LMAN2: variants seen among roughly 807,000 people sequenced by gnomAD.
LMAN2 encodes the protein vesicular integral-membrane protein VIP36.
In LMAN2, 22 loss-of-function variants were observed where a neutral mutation model predicts 39.3. The ratio of observed to expected loss-of-function variants is 0.56; its 90% CI spans 0.40 to 0.80. The LOEUF is 0.80. Among genes scored for constraint, LMAN2 ranks in the 30% least tolerant of loss-of-function variants. The pLI, the probability that LMAN2 is intolerant of heterozygous loss-of-function variation, is 0.00. For synonymous variants in LMAN2, 207 were observed against 207.8 expected (o/e 1.00, Z 0.03); for missense variants, 494 against 505.4 (o/e 0.98, Z 0.22).
intron 6 of LMAN2, among the ~76,000 whole-genome samples, chr5:177,335,470 C>T (rs748916886): frequency 2.6e-5 from 4 of 152,230 alleles, no homozygotes; most frequent in Non-Finnish European, 5.9e-5. Flanking sequence ...ATGGTGCCTC[C>T]TCCACTCTGT....
chr5:177,334,180 AACC>A (rs907865287), intron 7 of LMAN2, 101 bp downstream of exon 7: 1 of 1,492,510 alleles, frequency 6.7e-7, no homozygotes, highest in African/African-American at 1.4e-5. Context: ...CCCAGACCAC[AACC>A]ACCACAACCA....
In LMAN2 at chr5:177,332,289, C is replaced by G. The variant is rs375419472; in HGVS notation, c.911-43G>C. The G allele has an allele frequency of 1.3e-6, 2 of 1,590,432 alleles. No homozygotes were observed. Among genetic ancestry groups the G allele is most frequent in the African/African-American group, 2.7e-5 (2 of 74,728 alleles). On this transcript the variant is annotated intron_variant, in intron 7 of 7. Coordinates refer to ENST00000303127, the MANE Select transcript of LMAN2 (RefSeq NM_006816.3). This position sits in a 1 kb window ranked among gnomAD's most constrained non-coding sequence, Gnocchi z 6.3. ...GGGGAGCTGAAACGGCAGCACGGGC[C>G]GGGGATCAGGGGGCTGCAGGAGGGC...
chr5:177,338,739 G>A, intron 2 of LMAN2, 134 bp from the exon 3 acceptor site: 1 of 727,940 alleles, frequency 1.4e-6, no homozygotes, highest in East Asian at 2.5e-5. Flanking sequence ...CTTGGCACAG[G>A]GCCACAAGTG....
chr5:177,336,777 C>T (rs1761479114), intron 6 of LMAN2: 1 of 379,062 alleles, frequency 2.6e-6, no homozygotes, highest in South Asian at 2.4e-5. Context: ...TCTAACTGAC[C>T]CGCTGCCTCC....
At chr5:177,339,844 A>T (rs1233848612) in intron 2 of LMAN2, among the ~76,000 whole-genome samples, 1 of 152,218 alleles carries the variant, frequency 6.6e-6, no homozygotes, top group Non-Finnish European at 1.5e-5. Flanking sequence ...AATAAAAAAC[A>T]CTGTACCCCA....
rs749261300 is a variant in LMAN2, at chr5:177,351,575, G to A, written c.73C>T (p.Pro25Ser). 2 of 1,613,848 alleles carry A rather than the reference G, an allele frequency of 1.2e-6. No homozygotes were observed. Among genetic ancestry groups the A allele is most frequent in the South Asian group, 1.1e-5 (1 of 91,050 alleles). The change falls in exon 1 of 8, where the codon CCC (proline) becomes TCC (serine). Residue 25 changes from proline (P) to serine (S), a missense_variant. Transcript: ENST00000303127. ...AGAGGTGTAGTGGGGCCAGGGCCGG[G>A]GCCGAGAAGCCCAGGCCTTCCCAGG... ...RCLGRPGLLG[P>S]GPGPTTPLFL...
chr5:177,351,271 G>A lies in LMAN2; in HGVS notation c.217C>T (p.Pro73Ser). ...GTGCTGCCCTGGAAGTCCCAGAGGG[G>A]CATAGAGCTGGAACCGACCCCTGTG... ...PYQGVGSSSM[P>S]LWDFQGSTML... is the part of the protein sequence containing the mutation. The change falls in exon 2 of 8, where the codon CCC becomes TCC. Residue 73 changes from proline (P) to serine (S), a missense_variant. Coordinates refer to ENST00000303127, the MANE Select transcript of LMAN2 (RefSeq NM_006816.3). 1.2e-6 allele frequency: 2 copies of A among 1,614,068 alleles called. No homozygotes were observed. Among genetic ancestry groups the A allele is most frequent in the East Asian group, 2.2e-5 (1 of 44,884 alleles).
chr5:177,337,903 C>T lies in LMAN2; in HGVS notation c.434-118G>A. 2.5e-6 allele frequency: 2 copies of T among 797,434 alleles called. No homozygotes were observed. Among genetic ancestry groups the T allele is most frequent in the Non-Finnish European group, 4.2e-6 (2 of 477,066 alleles). 49.4% of individuals were successfully genotyped at this position (797,434 alleles called of 1,614,324 possible). On this transcript the variant is annotated intron_variant, in intron 3 of 7. Transcript: ENST00000303127. This position sits in a 1 kb window ranked among gnomAD's most constrained non-coding sequence, Gnocchi z 8.2. ...AAGAGAGCCCAACCCACTGGCCATTCACCGAGAGAGAAGGGATCGTGAAAG... is the reference window on the plus strand; with the variant it reads ...AAGAGAGCCCAACCCACTGGCCATTTACCGAGAGAGAAGGGATCGTGAAAG...
intron 2 of LMAN2, among the ~76,000 whole-genome samples, chr5:177,342,101 T>G (rs1761563550): frequency 6.6e-6 from 1 of 152,108 alleles, no homozygotes; most frequent in African/African-American, 2.4e-5. Flanking sequence ...TAAATGTAAA[T>G]GGACTAAATG....
At chr5:177,350,197 G>T (rs1480366185) in intron 2 of LMAN2, among the ~76,000 whole-genome samples, 4 of 152,162 alleles carry the variant, frequency 2.6e-5, no homozygotes, top group Non-Finnish European at 5.9e-5. Flanking sequence ...GGCAACACAA[G>T]GACAGTGTGG....
At chr5:177,345,736 C>CATTT (rs752212044) in intron 2 of LMAN2, among the ~76,000 whole-genome samples, 27,339 of 135,348 alleles carry the variant, frequency 0.2, 3,143 homozygotes, top group East Asian at 0.48. Context: ...CCATGGCATG[C>CATTT]ATTTATTTAT....
Position 177,337,161 on chromosome 5 carries a change from G to C in LMAN2, c.765C>G (p.Ala255=). The change falls in exon 6 of 8, where the codon GCC becomes GCG. Residue 255 remains alanine (A), a synonymous_variant. Transcript: ENST00000303127. This position sits in a 1 kb window ranked among gnomAD's most constrained non-coding sequence, Gnocchi z 8.2. The part of the protein sequence containing the change: ...VRLPTGYYFG[A]SAGTGDLSDN... ...CAGACAGGTCGCCGGTGCCGGCGGA[G>C]GCCCCGAAGTAGTAGCCGGTGGGCA... The C allele has an allele frequency of 6.2e-7, 1 of 1,613,696 alleles. No individual in the cohort carries two copies. Among genetic ancestry groups the C allele is most frequent in the Non-Finnish European group, 8.5e-7 (1 of 1,179,916 alleles).
intron 2 of LMAN2, among the ~76,000 whole-genome samples, chr5:177,345,001 G>A (rs1198828340): frequency 1.3e-5 from 2 of 151,954 alleles, no homozygotes; most frequent in South Asian, 2.1e-4. Context: ...AGATGTGTAC[G>A]TACAACAGTG....
At position 177,337,868 on chromosome 5, in the gene LMAN2, G is replaced by C. The variant is rs891243961; in HGVS notation, c.434-83C>G. On this transcript the variant is annotated intron_variant, in intron 3 of 7. Coordinates refer to ENST00000303127, the MANE Select transcript of LMAN2 (RefSeq NM_006816.3). This position sits in a 1 kb window ranked among gnomAD's most constrained non-coding sequence, Gnocchi z 8.2. The stretch of plus-strand genomic sequence containing the variant: ...CCTAAAAGGCAAGCAATGCCAACAT[G>C]GGTGGGGGCAAGAGAGCCCAACCCA... 2 of 1,256,638 alleles carry C rather than the reference G, an allele frequency of 1.6e-6. No homozygotes were observed. The highest frequency in any genetic ancestry group is 2.9e-5 in the African/African-American group (2 of 67,810). 77.8% of individuals were successfully genotyped at this position (1,256,638 alleles called of 1,614,324 possible). A position where few individuals can be genotyped will look rare whatever the true frequency, so the allele number is the denominator to read the frequency against.
chr5:177,334,518 G>A (rs1359420533), intron 6 of LMAN2, 115 bp from the exon 7 acceptor site: 11 of 1,432,700 alleles, frequency 7.7e-6, no homozygotes, highest in African/African-American at 1.4e-5. Flanking sequence ...CCAGGCCCCT[G>A]GGGAGAGCAC....
At chr5:177,334,961 T>A (rs1455897660) in intron 6 of LMAN2, among the ~76,000 whole-genome samples, 5 of 152,170 alleles carry the variant, frequency 3.3e-5, no homozygotes, top group Non-Finnish European at 7.4e-5. Flanking sequence ...GGTCAGCAGC[T>A]GTGCCTGAGG....
In LMAN2 at chr5:177,334,372, G is replaced by T; in HGVS notation, c.822C>A (p.Phe274Leu). ...CGGGCGTGTGCTCCACCATCAGCTG[G>T]AACAGCTTCATGGAGATGATGTCAT... is the stretch of plus-strand genomic sequence containing the variant. The part of the protein sequence containing the change: ...DNHDIISMKL[F>L]QLMVEHTPDE... The change falls in exon 7 of 8, where the codon TTC becomes TTA. Residue 274 changes from phenylalanine (F) to leucine (L), a missense_variant. Physicochemically the swap from Phe to Leu is conservative, Grantham distance 22. Transcript: ENST00000303127. The T allele has an allele frequency of 6.2e-7, 1 of 1,613,666 alleles. No homozygotes were observed. Among genetic ancestry groups the T allele is most frequent in the Non-Finnish European group, 8.5e-7 (1 of 1,180,002 alleles).
At chr5:177,341,037 G>C (rs1290590258) in intron 2 of LMAN2, among the ~76,000 whole-genome samples, 2 of 148,940 alleles carry the variant, frequency 1.3e-5, no homozygotes, top group African/African-American at 5.0e-5. Context: ...TTACAGATGT[G>C]AGCCACCACG....
intron 2 of LMAN2, among the ~76,000 whole-genome samples, chr5:177,343,049 G>A (rs1043505391): frequency 6.6e-6 from 1 of 152,012 alleles, no homozygotes; most frequent in Admixed American, 6.6e-5. Flanking sequence ...GTCAAGAGAT[G>A]GAGACCGTCC....
Sources: allele counts gnomAD v4.1 joint callset (sites outside exome capture counted in the v4.1 genomes callset), GRCh38; gene constraint gnomAD v4.1.1; non-coding constraint Gnocchi (gnomAD v3.1); transcripts MANE v1.5; gene names NCBI Gene and HGNC (gene_info 2026-07-23, HGNC 2026-07-21).